NOTCH3: variants seen among roughly 807,000 people sequenced by gnomAD.
NOTCH3 encodes notch receptor 3, also known as neurogenic locus notch homolog protein 3.
NOTCH3 carries 86 observed loss-of-function variants against 213.3 expected under a neutral mutation model. That is an observed-to-expected ratio of 0.40 (90% CI 0.34 to 0.48). The LOEUF is 0.48. NOTCH3 is among the 20% of genes least tolerant of loss of function. NOTCH3 has a pLI of 0.57. For missense variants in NOTCH3, 2,783 were observed against 3,272.6 expected (o/e 0.85, Z 3.65); for synonymous variants, 1,354 against 1,355.9 (o/e 1.00, Z 0.03).
At position 15,174,347 on chromosome 19, in the gene NOTCH3, T is replaced by C. The variant is rs1460176240; in HGVS notation, c.4457A>G (p.Gln1486Arg). 6.5e-7 allele frequency: 1 copy of C among 1,548,712 alleles called. No homozygotes were observed. Among genetic ancestry groups the C allele is most frequent in the Non-Finnish European group, 8.7e-7 (1 of 1,145,250 alleles). Residue 1486 changes from glutamine (Q) to arginine (R), a missense_variant, in exon 25 of 33, where the codon CAG becomes CGG. Physicochemically the swap from Gln to Arg is conservative, Grantham distance 43. This residue lies in a region of NOTCH3 where 636 missense variants were observed against 801.8 expected (regional missense o/e 0.79). Transcript: ENST00000263388. ...GCCGCACTCCTCCGTGTTGCAGCCC[T>C]GGTCGCAGCGGCCGTCGGCAAAGTG... is the stretch of plus-strand genomic sequence containing the variant. ...ADHFADGRCD[Q>R]GCNTEECGWD...
At chr19:15,192,541 TTGGGCAGCAC>T (rs1568362292) in intron 2 of NOTCH3, 22 bp from the exon 3 acceptor site, 5 of 1,566,786 alleles carry the variant, frequency 3.2e-6, no homozygotes, top group Non-Finnish European at 4.3e-6. Flanking sequence ...GATGGCTTGG[TTGGGCAGCAC>T]AGGGCAGGAT....
chr19:15,185,804 G>T lies in NOTCH3; in HGVS notation c.1952-125C>A. ...ATGACCTCTTTTTCATAACGCATCA[G>T]CTCTTGTGCAGATTAGGACACCCGC... On this transcript the variant is annotated intron_variant, in intron 12 of 32. Coordinates refer to ENST00000263388, the MANE Select transcript of NOTCH3 (RefSeq NM_000435.3). The surrounding 1 kb of genome is among the most constrained non-coding windows in gnomAD (Gnocchi z 4.2). The T allele has an allele frequency of 1.1e-6, 1 of 919,150 alleles. No homozygotes were observed. The highest frequency in any genetic ancestry group is 1.7e-6 in the Non-Finnish European group (1 of 582,500). The allele number at this position is 919,150 out of a possible 1,614,324, so 56.9% of individuals were successfully genotyped here.
chr19:15,178,049 G>A lies in NOTCH3; in HGVS notation c.3879C>T (p.Cys1293=). 2 of 1,519,894 alleles carry A rather than the reference G, an allele frequency of 1.3e-6. No homozygotes were observed. The highest frequency in any genetic ancestry group is 8.8e-7 in the Non-Finnish European group (1 of 1,139,618). The allele number at this position is 1,519,894 out of a possible 1,614,324, so 94.2% of individuals were successfully genotyped here. Residue 1293 remains cysteine (C), a synonymous_variant, in exon 24 of 33, where the codon TGC becomes TGT. Transcript: ENST00000263388. ...CGCCCACCGGGCACTGCAGCTCCCGGCAGGAGCGCGCCACCCGCTCGCAAC... is the reference window on the plus strand; with the variant it reads ...CGCCCACCGGGCACTGCAGCTCCCGACAGGAGCGCGCCACCCGCTCGCAAC... The part of the protein sequence containing the change: ...GPRCERVARS[C]RELQCPVGVP...
At chr19:15,162,395 G>C (rs1188445804) in intron 32 of NOTCH3, 70 bp downstream of exon 32, 1 of 1,022,558 alleles carries the variant, frequency 9.8e-7, no homozygotes, top group Admixed American at 1.7e-5. Flanking sequence ...GTCTCACTCT[G>C]TTGCCCAGGC....
At position 15,192,410 on chromosome 19, in the gene NOTCH3, G is replaced by C. The variant is rs766007350; in HGVS notation, c.307C>G (p.Arg103Gly). Residue 103 changes from arginine to glycine, a missense_variant, in exon 3 of 33, where the codon CGA (arginine) becomes GGA (glycine). This residue lies in a region of NOTCH3 where 708 missense variants were observed against 906.6 expected (regional missense o/e 0.78). Coordinates refer to ENST00000263388, the MANE Select transcript of NOTCH3 (RefSeq NM_000435.3). ...CCACGGGGGCACCGGCATGAGAATC[G>C]GGCGGTGCCAGCCACCACTGAACTC... ...CQSSVVAGTA[R>G]FSCRCPRGFR... 1 of 1,612,382 alleles carries C rather than the reference G, an allele frequency of 6.2e-7. No homozygotes were observed. Among genetic ancestry groups the C allele is most frequent in the Non-Finnish European group, 8.5e-7 (1 of 1,179,916 alleles).
chr19:15,189,814 C>T (rs924113981), intron 6 of NOTCH3, among the ~76,000 whole-genome samples: 2 of 152,124 alleles, frequency 1.3e-5, no homozygotes, highest in Non-Finnish European at 1.5e-5. Context: ...CCACCGCGCC[C>T]GGCCTGTTGT....
In NOTCH3 at chr19:15,188,011, G is replaced by A. The variant is rs546834102; in HGVS notation, c.1493-17C>T. The A allele has an allele frequency of 6.5e-7, 1 of 1,540,468 alleles. No homozygotes were observed. The highest frequency in any genetic ancestry group is 1.2e-5 in the South Asian group (1 of 83,846). On this transcript the variant is annotated splice_polypyrimidine_tract_variant and intron_variant, in intron 9 of 32. Transcript: ENST00000263388. The stretch of plus-strand genomic sequence containing the variant: ...CGCTGAAGCCTGGGGTGGGGAGTGG[G>A]ATGAGCAGAGGCCCAGAAAGGGTGA...
chr19:15,174,101 CG>C lies in NOTCH3; in HGVS notation c.4702del (p.Arg1568GlyfsTer10). 6.3e-7 allele frequency: 1 copy of C among 1,592,484 alleles called. No homozygotes were observed. On this transcript the variant is annotated frameshift_variant, in exon 25 of 33. Coordinates refer to ENST00000263388, the MANE Select transcript of NOTCH3 (RefSeq NM_000435.3). LOFTEE classifies it high-confidence loss of function. The part of the protein sequence containing the change: ...YHRPSPGSEP[R>X]ARRELAPEVI... ...CTCGGGGGCCAGCTCCCGACGGGCC[CG>C]GGGTTCGGAGCCAGGACTAGGCCGG...
At chr19:15,177,033 T>C (rs375694939) in intron 24 of NOTCH3, among the ~76,000 whole-genome samples, 63 of 122,648 alleles carry the variant, frequency 5.1e-4, no homozygotes, top group African/African-American at 2.0e-3. Context: ...GATGGAGCCA[T>C]TGCACTCCAG....
In NOTCH3 at chr19:15,170,688, G is replaced by C. The variant is rs1434151373; in HGVS notation, c.4874C>G (p.Pro1625Arg). The C allele has an allele frequency of 6.3e-7, 1 of 1,585,290 alleles. No individual in the cohort carries two copies. Among genetic ancestry groups the C allele is most frequent in the Non-Finnish European group, 8.6e-7 (1 of 1,166,818 alleles). The stretch of plus-strand genomic sequence containing the variant: ...GGCCGCACCCCGCACGTCCCGCAGT[G>C]GGTACGGGAAGTCCAGGCGCTCCAC... ...SAVERLDFPY[P>R]LRDVRGEPLE... is the part of the protein sequence containing the mutation. Residue 1625 changes from proline (P) to arginine (R), a missense_variant, in exon 26 of 33, where the codon CCA becomes CGA. Coordinates refer to ENST00000263388, the MANE Select transcript of NOTCH3 (RefSeq NM_000435.3).
chr19:15,171,889 A>ATTTG (rs1241990542), intron 25 of NOTCH3, among the ~76,000 whole-genome samples: 1 of 150,060 alleles, frequency 6.7e-6, no homozygotes, highest in Non-Finnish European at 1.5e-5. Flanking sequence ...AGGACATTGT[A>ATTTG]TTTGTTTGTT....
At chr19:15,168,125 A>G (rs2046701275) in intron 28 of NOTCH3, among the ~76,000 whole-genome samples, 1 of 152,098 alleles carries the variant, frequency 6.6e-6, no homozygotes, top group African/African-American at 2.4e-5. Context: ...TCCAGGTTCA[A>G]GTTCCAACCC....
In NOTCH3 at chr19:15,186,889, G is replaced by A; in HGVS notation, c.1940C>T (p.Pro647Leu). 1.2e-6 allele frequency: 2 copies of A among 1,614,126 alleles called. No homozygotes were observed. The highest frequency in any genetic ancestry group is 1.7e-6 in the Non-Finnish European group (2 of 1,179,964). ...GINRYDCVCQPGFTGPLCNVE... is the reference protein window; with the variant it reads ...GINRYDCVCQLGFTGPLCNVE... ...AGCCACTTGCCCACCTGTGAAGCCA[G>A]GTTGGCAGACACAGTCGTAGCGGTT... Residue 647 changes from proline (P) to leucine (L), a missense_variant, in exon 12 of 33, where the codon CCT becomes CTT. Physicochemically the swap from Pro to Leu is moderately conservative, Grantham distance 98. Coordinates refer to ENST00000263388, the MANE Select transcript of NOTCH3 (RefSeq NM_000435.3).
intron 15 of NOTCH3, 40 bp downstream of exon 15, chr19:15,184,866 G>T (rs1034760446): frequency 1.8e-6 from 2 of 1,129,776 alleles, no homozygotes; most frequent in Admixed American, 2.0e-5. Flanking sequence ...AGGGGGCAGA[G>T]GAGATGGAGA....
At position 15,191,979 on chromosome 19, in the gene NOTCH3, G is replaced by GT. The variant is rs746280914; in HGVS notation, c.659dup (p.Tyr220Ter). The GT allele has an allele frequency of 1.2e-6, 2 of 1,613,456 alleles. No homozygotes were observed. Among genetic ancestry groups the GT allele is most frequent in the Admixed American group, 1.7e-5 (1 of 60,022 alleles). The change falls in exon 4 of 33, where the codon TAC (tyrosine) becomes TAAC (stop). Residue 220 changes from tyrosine to a stop codon, truncating the protein, a stop_gained and frameshift_variant. Coordinates refer to ENST00000263388, the MANE Select transcript of NOTCH3 (RefSeq NM_000435.3). LOFTEE classifies it high-confidence loss of function. ...ACTCACCAGGAAGACAGGCACAGTC[G>GT]TAAGTGAGGTCGCCACTCTGCCTGC... ...GTCRQSGDLTYDCACLPGFEG... is the reference protein window; with the variant it reads ...GTCRQSGDLT
Position 15,191,566 on chromosome 19 carries a change from G to A in NOTCH3, c.894C>T (p.His298=), listed in dbSNP as rs2145439988. The A allele has an allele frequency of 6.2e-7, 1 of 1,613,676 alleles. No homozygotes were observed. The highest frequency in any genetic ancestry group is 8.5e-7 in the Non-Finnish European group (1 of 1,180,040). ...TCCAGCCATTGACACACACGCAGCT[G>A]TGGCCACCCAGCGTGTTGAAGCAGG... ...GGTCFNTLGG[H]SCVCVNGWTG... The change falls in exon 6 of 33, where the codon CAC becomes CAT. Residue 298 remains histidine (H), a synonymous_variant. Coordinates refer to ENST00000263388, the MANE Select transcript of NOTCH3 (RefSeq NM_000435.3).
intron 16 of NOTCH3, among the ~76,000 whole-genome samples, chr19:15,182,208 G>C (rs1272558642): frequency 6.6e-6 from 1 of 151,888 alleles, no homozygotes; most frequent in Non-Finnish European, 1.5e-5. Context: ...TGAAGACTTG[G>C]TATGAAAAAA....
Position 15,170,666 on chromosome 19 carries a change from C to T in NOTCH3, c.4891+5G>A, listed in dbSNP as rs1568350022. ...CGCCACCCCCTCCCCAAGGCAGGGC[C>T]GCACCCCGCACGTCCCGCAGTGGGT... is the stretch of plus-strand genomic sequence containing the variant. On this transcript the variant is annotated splice_donor_5th_base_variant and intron_variant, in intron 26 of 32. Transcript: ENST00000263388. 1 of 1,562,742 alleles carries T rather than the reference C, an allele frequency of 6.4e-7. No individual in the cohort carries two copies. The highest frequency in any genetic ancestry group is 8.7e-7 in the Non-Finnish European group (1 of 1,155,542).
chr19:15,191,548 A>C lies in NOTCH3; in HGVS notation c.912T>G (p.Asn304Lys), dbSNP rs1372388350. 1 of 1,613,608 alleles carries C rather than the reference A, an allele frequency of 6.2e-7. No individual in the cohort carries two copies. Among genetic ancestry groups the C allele is most frequent in the South Asian group, 1.1e-5 (1 of 91,080 alleles). Residue 304 changes from asparagine (N) to lysine (K), a missense_variant, in exon 6 of 33, where the codon AAT becomes AAG. Asn to Lys is a moderately conservative substitution (Grantham distance 94). This residue lies in a region of NOTCH3 where 708 missense variants were observed against 906.6 expected (regional missense o/e 0.78). Transcript: ENST00000263388. ...TLGGHSCVCV[N>K]GWTGESCSQN... The stretch of plus-strand genomic sequence containing the variant: ...GACTGCAGCTCTCGCCTGTCCAGCC[A>C]TTGACACACACGCAGCTGTGGCCAC...
Sources: gnomAD v4.1 joint callset for allele counts (sites outside exome capture counted in the v4.1 genomes callset) on GRCh38, gnomAD v4.1.1 for gene constraint, gnomAD v4.1.1 regional missense constraint, Gnocchi (gnomAD v3.1) non-coding constraint, MANE v1.5 for transcripts, NCBI Gene and HGNC (gene_info 2026-07-23, HGNC 2026-07-21) for gene names.